DOCK5: variants seen among roughly 807,000 people sequenced by gnomAD.
DOCK5 encodes the protein dedicator of cytokinesis 5.
A neutral mutation model predicts 251.8 loss-of-function variants in DOCK5; 142 were observed. That is an observed-to-expected ratio of 0.56 (90% CI 0.49 to 0.65). The LOEUF is 0.65. Among genes scored for constraint, DOCK5 ranks in the 30% least tolerant of loss-of-function variants. DOCK5 has a pLI of 0.00. For missense variants in DOCK5, 2,111 were observed against 2,312.3 expected (o/e 0.91, Z 1.79); for synonymous variants, 842 against 835.5 (o/e 1.01, Z -0.13).
chr8:25,317,621 GT>G (rs1279359324), intron 14 of DOCK5, among the ~76,000 whole-genome samples: 1 of 151,980 alleles, frequency 6.6e-6, no homozygotes, highest in East Asian at 1.9e-4. Context: ...TTGTTTGTTT[GT>G]TTTTTTGAGA....
At chr8:25,336,182 A>T in intron 21 of DOCK5, 57 bp from the exon 22 acceptor site, 1 of 1,565,234 alleles carries the variant, frequency 6.4e-7, no homozygotes, top group South Asian at 1.2e-5. Context: ...TAACTTACCC[A>T]AGCCTCAGAG....
intron 1 of DOCK5, among the ~76,000 whole-genome samples, chr8:25,187,317 ATGTGTG>A (rs562569023): frequency 6.9e-6 from 1 of 145,820 alleles, no homozygotes; most frequent in African/African-American, 2.7e-5. Flanking sequence ...ATATGCGTAT[ATGTGTG>A]TGTGTGTATA....
At chr8:25,354,271 A>G (rs1800528283) in intron 27 of DOCK5, among the ~76,000 whole-genome samples, 1 of 152,210 alleles carries the variant, frequency 6.6e-6, no homozygotes, top group Admixed American at 6.5e-5. Flanking sequence ...AGTATTTTAC[A>G]TATTTTGTGA....
At chr8:25,394,448 C>G (rs1343093883) in intron 44 of DOCK5, among the ~76,000 whole-genome samples, 1 of 151,866 alleles carries the variant, frequency 6.6e-6, no homozygotes, top group East Asian at 1.9e-4. Context: ...CAAAATTCAG[C>G]CTGTATATTC....
intron 1 of DOCK5, among the ~76,000 whole-genome samples, chr8:25,224,746 C>T (rs914558953): frequency 6.6e-6 from 1 of 152,178 alleles, no homozygotes; most frequent in East Asian, 1.9e-4. Context: ...AGGCAACCCC[C>T]ATGTGTTTTA....
At chr8:25,189,919 C>G (rs1801531167) in intron 1 of DOCK5, among the ~76,000 whole-genome samples, 1 of 152,154 alleles carries the variant, frequency 6.6e-6, no homozygotes, top group African/African-American at 2.4e-5. Context: ...TGGAGTCTTG[C>G]TCTGTCGCCC....
chr8:25,380,820 TCAGTGGAGGCAGCCACCATTCCGAATGCC>T (rs1563223391), intron 39 of DOCK5, among the ~76,000 whole-genome samples: 200 of 150,168 alleles, frequency 1.3e-3, no homozygotes, highest in African/African-American at 4.1e-3. Context: ...TTCTGAAAGC[TCAGTGGAGGCAGCCACCATTCCGAATGCC>T]CAGTGGAGGC....
rs190632040 is a variant in DOCK5 at position 25,201,186 on chromosome 8, C to T, written c.43+16235C>T. ...CCTCCCAAAATGCTGGGATTACAGG[C>T]GTGAGCCACTGTGGCCGGCCTAAAT... On this transcript the variant is annotated intron_variant, in intron 1 of 51. Coordinates refer to ENST00000276440, the MANE Select transcript of DOCK5 (RefSeq NM_024940.8). Among the ~76,000 whole-genome samples the T allele has an allele frequency of 1.6e-3, 244 of 152,292 alleles. 1 individual carries two copies. Among genetic ancestry groups the T allele is most frequent in the African/African-American group, 5.5e-3 (228 of 41,584 alleles).
rs1800835555 is a variant in DOCK5, at chr8:25,369,503, G to A, written c.3439-53G>A. ...TGGCCAAGTCTAGAAAGTTGGCCATGTCTTCTTCTAAGGATGCAACATTAT... is the reference window on the plus strand; with the variant it reads ...TGGCCAAGTCTAGAAAGTTGGCCATATCTTCTTCTAAGGATGCAACATTAT... On this transcript the variant is annotated intron_variant, in intron 33 of 51. Transcript: ENST00000276440. 1.4e-5 allele frequency: 21 copies of A among 1,527,080 alleles called. No homozygotes were observed. In the Admixed American group the frequency reaches 3.9e-4, roughly 28 times the overall value. The allele number at this position is 1,527,080 out of a possible 1,614,324, so 94.6% of individuals were successfully genotyped here.
At chr8:25,368,493 G>A in intron 32 of DOCK5, 78 bp from the exon 33 acceptor site, 6 of 1,477,054 alleles carry the variant, frequency 4.1e-6, no homozygotes, top group Non-Finnish European at 5.5e-6. Context: ...CTTTTCTTAT[G>A]GAACTTGTGG....
Position 25,368,660 on chromosome 8 carries a change from A to G in DOCK5, c.3373A>G (p.Ile1125Val), listed in dbSNP as rs1417289188. ...TGAAGTAGAGCTCCGGAAAGCCACA[A>G]TCCCCATTTTCTTTGATATGATGCA... is the stretch of plus-strand genomic sequence containing the variant. ...TPEVELRKAT[I>V]PIFFDMMQCE... The change falls in exon 33 of 52, where the codon ATC becomes GTC. Residue 1125 changes from isoleucine to valine, a missense_variant. By Grantham distance (29) the Ile-to-Val change is conservative. Transcript: ENST00000276440. The G allele has an allele frequency of 6.2e-7, 1 of 1,613,914 alleles. No individual in the cohort carries two copies. Among genetic ancestry groups the G allele is most frequent in the African/African-American group, 1.3e-5 (1 of 75,042 alleles).
chr8:25,357,667 C>A (rs1380497153), intron 27 of DOCK5, among the ~76,000 whole-genome samples: 1 of 151,944 alleles, frequency 6.6e-6, no homozygotes, highest in Non-Finnish European at 1.5e-5. Flanking sequence ...TGTGAACCAC[C>A]CCACCAGGCC....
At chr8:25,278,213 AC>A (rs1444115807) in intron 4 of DOCK5, among the ~76,000 whole-genome samples, 2 of 152,030 alleles carry the variant, frequency 1.3e-5, no homozygotes, top group Non-Finnish European at 2.9e-5. Context: ...CCCAAATGAA[AC>A]AGCTGCTTGG....
chr8:25,359,144 TC>T, intron 28 of DOCK5, 83 bp downstream of exon 28: 4 of 1,213,658 alleles, frequency 3.3e-6, no homozygotes, highest in Non-Finnish European at 4.9e-6. Context: ...GCATCGTGAG[TC>T]CAGGGTTCTC....
chr8:25,185,926 G>A (rs757353440), intron 1 of DOCK5, among the ~76,000 whole-genome samples: 1 of 152,116 alleles, frequency 6.6e-6, no homozygotes, highest in Non-Finnish European at 1.5e-5. Flanking sequence ...TTAGACCTGG[G>A]GTGATTCCCT....
chr8:25,370,213 A>G (rs1033685765), intron 34 of DOCK5, among the ~76,000 whole-genome samples: 2 of 152,188 alleles, frequency 1.3e-5, no homozygotes, highest in Non-Finnish European at 2.9e-5. Flanking sequence ...TCCTTGGCAC[A>G]TGTGGAGTAA....
intron 19 of DOCK5, 119 bp from the exon 20 acceptor site, chr8:25,332,484 T>G (rs557159064): frequency 3.4e-5 from 41 of 1,198,434 alleles, no homozygotes; most frequent in Admixed American, 1.1e-4. Flanking sequence ...ACAAGTGTGC[T>G]AGTTTTTTAA....
chr8:25,318,736 T>C (rs1690172929), intron 14 of DOCK5, among the ~76,000 whole-genome samples: 1 of 151,932 alleles, frequency 6.6e-6, no homozygotes, highest in African/African-American at 2.4e-5. Context: ...TGGCCTCTGC[T>C]GAACTCCACC....
intron 45 of DOCK5, among the ~76,000 whole-genome samples, chr8:25,398,538 G>A (rs1489750529): frequency 6.6e-6 from 1 of 152,182 alleles, no homozygotes; most frequent in African/African-American, 2.4e-5. Flanking sequence ...CTGAAATCAA[G>A]GTGTCACAGT....
Sources: gnomAD v4.1 joint callset for allele counts (sites outside exome capture counted in the v4.1 genomes callset) on GRCh38, gnomAD v4.1.1 for gene constraint, MANE v1.5 for transcripts, NCBI Gene and HGNC (gene_info 2026-07-23, HGNC 2026-07-21) for gene names.